The following ANK3 variants were observed in gnomAD, a reference collection of about 807,000 sequenced individuals.
ANK3 encodes the protein ankyrin 3.
In ANK3, 57 loss-of-function variants were observed where a neutral mutation model predicts 370.9. The observed-to-expected ratio is 0.15, with a 90% CI of 0.12 to 0.19. ANK3 has a LOEUF of 0.19. Ranked by LOEUF, ANK3 falls within the 10% of genes least tolerant of loss-of-function variation. ANK3 has a pLI of 1.00. For missense variants in ANK3, 4,439 were observed against 5,302.1 expected, an observed-to-expected ratio of 0.84 and a Z score of 5.06; for synonymous variants, 1,929 against 1,946.3, an observed-to-expected ratio of 0.99 and a Z score of 0.23.
chr10:60,434,039 T>G (rs1368630992), intron 2 of ANK3, among the ~76,000 whole-genome samples: 1 of 152,222 alleles, frequency 6.6e-6, no homozygotes, highest in Non-Finnish European at 1.5e-5. Flanking sequence ...AAAAGTCAAC[T>G]GTGTCATAAA....
At chr10:60,308,706 C>T (rs888786591) in intron 1 of ANK3, among the ~76,000 whole-genome samples, 1 of 152,116 alleles carries the variant, frequency 6.6e-6, no homozygotes, top group African/African-American at 2.4e-5. Flanking sequence ...CTCAGGTCCT[C>T]AGCCCCTACC....
intron 2 of ANK3, among the ~76,000 whole-genome samples, chr10:60,493,015 G>A (rs975928962): frequency 6.6e-5 from 10 of 150,652 alleles, no homozygotes; most frequent in African/African-American, 2.4e-4. Context: ...AGGAGGTGGA[G>A]GTTGCAGTGA....
intron 7 of ANK3, among the ~76,000 whole-genome samples, chr10:60,250,460 G>A (rs929756909): frequency 6.6e-6 from 1 of 152,190 alleles, no homozygotes; most frequent in Non-Finnish European, 1.5e-5. Context: ...TGCCTCCCAG[G>A]TTCAAGCAAT....
At chr10:60,647,743 G>A (rs182410044) in intron 1 of ANK3, among the ~76,000 whole-genome samples, 86 of 152,186 alleles carry the variant, frequency 5.7e-4, no homozygotes, top group African/African-American at 1.8e-3. Flanking sequence ...CTAAAAACAC[G>A]TCATTGTATA....
chr10:60,202,585 G>A (rs1401325089), intron 12 of ANK3, among the ~76,000 whole-genome samples: 1 of 152,142 alleles, frequency 6.6e-6, no homozygotes, highest in African/African-American at 2.4e-5. Flanking sequence ...CTTTTAAGTA[G>A]TCATATTAAT....
chr10:60,676,520 T>C (rs982108894), intron 1 of ANK3, among the ~76,000 whole-genome samples: 6 of 152,212 alleles, frequency 3.9e-5, no homozygotes, highest in Non-Finnish European at 8.8e-5. Flanking sequence ...ATTTCTGTGT[T>C]TCTAAAGCAA....
At chr10:60,150,481 A>T (rs947955006) in intron 23 of ANK3, among the ~76,000 whole-genome samples, 3 of 152,048 alleles carry the variant, frequency 2.0e-5, no homozygotes, top group African/African-American at 7.2e-5. Flanking sequence ...TTATTCTCTC[A>T]TGGCACCTGA....
At chr10:60,611,923 T>C (rs1233899543) in intron 2 of ANK3, among the ~76,000 whole-genome samples, 1 of 151,808 alleles carries the variant, frequency 6.6e-6, no homozygotes, top group Non-Finnish European at 1.5e-5. Context: ...AAGAATCAGA[T>C]ACTACACAAA....
chr10:60,731,756 A>G (rs755507113), intron 1 of ANK3, among the ~76,000 whole-genome samples: 2 of 152,180 alleles, frequency 1.3e-5, no homozygotes, highest in Non-Finnish European at 2.9e-5. Context: ...GTCCAATCTG[A>G]GACTGCCTCC....
chr10:60,329,801 G>A (rs1394957159), intron 1 of ANK3, among the ~76,000 whole-genome samples: 1 of 152,012 alleles, frequency 6.6e-6, no homozygotes, highest in Admixed American at 6.6e-5. Flanking sequence ...ATTTCATATG[G>A]AATCAAAAAA....
intron 1 of ANK3, among the ~76,000 whole-genome samples, chr10:60,321,272 C>T (rs1471241370): frequency 6.6e-6 from 1 of 151,672 alleles, no homozygotes; most frequent in Non-Finnish European, 1.5e-5. Flanking sequence ...TCTGTGGTCC[C>T]AGCTACTCAA....
At chr10:60,697,738 T>C (rs1282794690) in intron 1 of ANK3, among the ~76,000 whole-genome samples, 1 of 152,120 alleles carries the variant, frequency 6.6e-6, no homozygotes, top group Admixed American at 6.5e-5. Context: ...CCTTACACCT[T>C]ATATAAAAAT....
chr10:60,058,908 C>T (rs962474506), intron 41 of ANK3, among the ~76,000 whole-genome samples: 2 of 152,094 alleles, frequency 1.3e-5, no homozygotes, highest in African/African-American at 2.4e-5. Flanking sequence ...GTGCGTGACA[C>T]CACACCCAGC....
intron 2 of ANK3, among the ~76,000 whole-genome samples, chr10:60,492,945 T>A (rs1410047750): frequency 6.7e-6 from 1 of 149,048 alleles, no homozygotes; most frequent in East Asian, 2.0e-4. Context: ...CCGGGTGTAG[T>A]GGCAGGCACC....
rs2094880625 is a variant in ANK3 at position 60,147,352 on chromosome 10, C to T, written c.2615-8265G>A. On this transcript the variant is annotated intron_variant, in intron 23 of 43. Transcript: ENST00000280772. ...ATTCACTTCCTGCCCCCTTCACTCT[C>T]CACCTCTCCTCTCAGTAGGAAGAAG... 2.6e-5 allele frequency among the ~76,000 whole-genome samples: 4 copies of T among 152,192 alleles called. No homozygotes were observed. The South Asian group carries it at 6.2e-4, about 24-fold the overall frequency.
intron 1 of ANK3, among the ~76,000 whole-genome samples, chr10:60,309,089 A>G (rs2045804477): frequency 6.6e-6 from 1 of 152,210 alleles, no homozygotes; most frequent in Non-Finnish European, 1.5e-5. Flanking sequence ...AAAAGAATAA[A>G]TCATGTGCAA....
chr10:60,217,608 C>T (rs545637035), intron 8 of ANK3, among the ~76,000 whole-genome samples: 1 of 152,134 alleles, frequency 6.6e-6, no homozygotes, highest in Non-Finnish European at 1.5e-5. Context: ...AATTTGATTG[C>T]ACTGTGGTCT....
At chr10:60,163,836 CT>C (rs1314949003) in intron 23 of ANK3, among the ~76,000 whole-genome samples, 1 of 152,040 alleles carries the variant, frequency 6.6e-6, no homozygotes, top group Non-Finnish European at 1.5e-5. Context: ...GCCTATATTG[CT>C]TATTATTTTT....
chr10:60,674,152 C>A (rs2079096325), intron 1 of ANK3, among the ~76,000 whole-genome samples: 1 of 151,736 alleles, frequency 6.6e-6, no homozygotes, highest in Non-Finnish European at 1.5e-5. Flanking sequence ...GTCTTCATTC[C>A]AATAATTTTT....
Sources: gnomAD v4.1 joint callset for allele counts (sites outside exome capture counted in the v4.1 genomes callset) on GRCh38, gnomAD v4.1.1 for gene constraint, MANE v1.5 for transcripts, NCBI Gene and HGNC (gene_info 2026-07-23, HGNC 2026-07-21) for gene names.